The following TMEM114 variants were observed in gnomAD, a reference collection of about 807,000 sequenced individuals.
TMEM114 encodes the protein transmembrane protein 114.
TMEM114 carries 6 observed loss-of-function variants against 6.2 expected under a neutral mutation model. That is an observed-to-expected ratio of 0.97 (90% confidence interval 0.53 to 1.91). TMEM114 has a LOEUF of 1.91. TMEM114 is among the 40% of genes most tolerant of loss of function. The pLI, the probability that TMEM114 is intolerant of heterozygous loss-of-function variation, is 0.01. For synonymous variants in TMEM114, 104 were observed against 73.0 expected (o/e 1.42, Z -2.16); for missense variants, 218 against 158.3 (o/e 1.38, Z -2.02).
downstream of TMEM114, among the ~76,000 whole-genome samples, chr16:8,532,998 T>A (rs928832875): frequency 3.3e-5 from 5 of 152,208 alleles, no homozygotes; most frequent in Non-Finnish European, 7.3e-5. Flanking sequence ...GACACTGTGA[T>A]GAGCTACATT....
At chr16:8,563,169 GTAAA>G (rs1480503724) in intron 2 of TMEM114, among the ~76,000 whole-genome samples, 2 of 148,212 alleles carry the variant, frequency 1.3e-5, no homozygotes, top group Non-Finnish European at 3.0e-5. Flanking sequence ...GAGTGAGTGA[GTAAA>G]TGAGTGAGTG....
downstream of TMEM114, among the ~76,000 whole-genome samples, chr16:8,537,375 C>T (rs780999122): frequency 2.6e-5 from 4 of 152,120 alleles, no homozygotes; most frequent in Non-Finnish European, 5.9e-5. Flanking sequence ...ATGGCACACG[C>T]CTGTAGTCCC....
chr16:8,577,095 G>C (rs570095178), intron 2 of TMEM114, among the ~76,000 whole-genome samples: 1 of 152,322 alleles, frequency 6.6e-6, no homozygotes, highest in East Asian at 1.9e-4. Flanking sequence ...CAGAGGAGCT[G>C]CCTCAATGAG....
downstream of TMEM114, among the ~76,000 whole-genome samples, chr16:8,566,748 G>A (rs150073691): frequency 2.9e-4 from 44 of 152,084 alleles, no homozygotes; most frequent in African/African-American, 9.2e-4. Flanking sequence ...GGGCCTTTGC[G>A]TCTGCTGTCA....
At chr16:8,588,371 C>A (rs946868235) in intron 2 of TMEM114, among the ~76,000 whole-genome samples, 3,226 of 152,026 alleles carry the variant, frequency 0.021, 53 homozygotes, top group Non-Finnish European at 0.036. Flanking sequence ...TACAGAACCT[C>A]TCTGGGCCTC....
At chr16:8,556,772 G>C (rs1167813639) in intron 2 of TMEM114, among the ~76,000 whole-genome samples, 2 of 152,182 alleles carry the variant, frequency 1.3e-5, no homozygotes, top group African/African-American at 4.8e-5. Flanking sequence ...CAAAGTGCCA[G>C]GATTATAGGC....
chr16:8,546,012 G>A (rs1436164940), intron 2 of TMEM114, among the ~76,000 whole-genome samples: 1 of 152,276 alleles, frequency 6.6e-6, no homozygotes, highest in East Asian at 1.9e-4. Flanking sequence ...CTGCCTTGGA[G>A]GCTGAGGCGG....
chr16:8,558,409 C>T (rs909250744), intron 2 of TMEM114, among the ~76,000 whole-genome samples: 5 of 151,936 alleles, frequency 3.3e-5, no homozygotes, highest in African/African-American at 4.8e-5. Flanking sequence ...CTGCCTCTGT[C>T]TTCATGTGGC....
chr16:8,575,655 C>T (rs992528209), intron 2 of TMEM114, among the ~76,000 whole-genome samples: 1 of 152,194 alleles, frequency 6.6e-6, no homozygotes, highest in Non-Finnish European at 1.5e-5. Flanking sequence ...CTTCAAGCCT[C>T]AGTTTTCTCA....
chr16:8,551,241 G>C (rs1198388369), intron 2 of TMEM114, among the ~76,000 whole-genome samples: 1 of 152,102 alleles, frequency 6.6e-6, no homozygotes, highest in Non-Finnish European at 1.5e-5. Flanking sequence ...TCATGAGGCA[G>C]GGGAAATGCA....
intron 2 of TMEM114, among the ~76,000 whole-genome samples, chr16:8,555,623 A>T (rs13333104): frequency 2.6e-5 from 4 of 151,910 alleles, no homozygotes; most frequent in Non-Finnish European, 5.9e-5. Flanking sequence ...GGGTCCAGTT[A>T]TATCTGCTGC....
chr16:8,532,968 A>G (rs1392312788), downstream of TMEM114, among the ~76,000 whole-genome samples: 1 of 152,176 alleles, frequency 6.6e-6, no homozygotes, highest in South Asian at 2.1e-4. Flanking sequence ...CATTCATTCA[A>G]CAGATGTTTT....
At chr16:8,543,032 C>G (rs73505718) in intron 2 of TMEM114, among the ~76,000 whole-genome samples, 1 of 152,148 alleles carries the variant, frequency 6.6e-6, no homozygotes, top group African/African-American at 2.4e-5. Flanking sequence ...GCTGATAACA[C>G]GAAAATAGAC....
chr16:8,568,810 C>G (rs372742390), downstream of TMEM114, among the ~76,000 whole-genome samples: 5 of 152,176 alleles, frequency 3.3e-5, no homozygotes, highest in African/African-American at 1.2e-4. Context: ...GCCTGGACAC[C>G]AGCCCTAGAG....
At chr16:8,580,111 G>T (rs796853815) in intron 2 of TMEM114, among the ~76,000 whole-genome samples, 2 of 152,248 alleles carry the variant, frequency 1.3e-5, no homozygotes, top group African/African-American at 4.8e-5. Flanking sequence ...AGCCCCACAA[G>T]CCACACTAAT....
the TMEM114 span, among the ~76,000 whole-genome samples, chr16:8,528,869 A>G: frequency 1.3e-5 from 2 of 152,204 alleles, no homozygotes; most frequent in Non-Finnish European, 2.9e-5. Flanking sequence ...TTTGCAAGGC[A>G]TTCTTGGTAG....
At chr16:8,562,283 AGTG>A (rs1901263786) in intron 2 of TMEM114, among the ~76,000 whole-genome samples, 2 of 151,414 alleles carry the variant, frequency 1.3e-5, no homozygotes, top group East Asian at 1.9e-4. Flanking sequence ...GGAATGAGTG[AGTG>A]AGTGAGTGAA....
intron 2 of TMEM114, among the ~76,000 whole-genome samples, chr16:8,542,206 A>C (rs1305226518): frequency 6.6e-6 from 1 of 151,912 alleles, no homozygotes; most frequent in Non-Finnish European, 1.5e-5. Context: ...CTCTGCCAAG[A>C]TTTCTCCTGC....
intron 2 of TMEM114, among the ~76,000 whole-genome samples, chr16:8,584,015 A>T (rs1313312022): frequency 1.3e-5 from 2 of 152,180 alleles, no homozygotes; most frequent in Non-Finnish European, 2.9e-5. Context: ...TGAGCATGTC[A>T]CCCAATGTGG....
Sources: gnomAD v4.1 joint callset for allele counts (sites outside exome capture counted in the v4.1 genomes callset) on GRCh38, gnomAD v4.1.1 for gene constraint, MANE v1.5 for transcripts, NCBI Gene and HGNC (gene_info 2026-07-23, HGNC 2026-07-21) for gene names.